Variants in XRN2 observed in about 807,000 individuals in gnomAD.
XRN2 encodes the protein 5'-3' exoribonuclease 2.
XRN2 carries 44 observed loss-of-function variants against 138.5 expected under a neutral mutation model. That is an observed-to-expected ratio of 0.32 (90% CI 0.25 to 0.41). The LOEUF (loss-of-function observed/expected upper bound fraction) is 0.41. XRN2 is among the 10% of genes least tolerant of loss of function. The pLI is 1.00. For missense variants in XRN2, 937 were observed against 1,169.3 expected, an observed-to-expected ratio of 0.80 and a Z score of 2.90; for synonymous variants, 354 against 369.4, an observed-to-expected ratio of 0.96 and a Z score of 0.48.
chr20:21,354,803 C>T lies in XRN2; in HGVS notation c.1951C>T (p.Pro651Ser), dbSNP rs369686738. Residue 651 changes from proline (P) to serine (S), a missense_variant, in exon 21 of 30, where the codon CCA (proline) becomes TCA (serine). By Grantham distance (74) the Pro-to-Ser change is moderately conservative. This residue lies in a region of XRN2 where 372 missense variants were observed against 414.4 expected (regional missense o/e 0.90). Coordinates refer to ENST00000377191, the MANE Select transcript of XRN2 (RefSeq NM_012255.5). ...KYAWQGVALLPFVDERRLRAA... is the reference protein window; with the variant it reads ...KYAWQGVALLSFVDERRLRAA... ...TGTTTTTTCAGGTGTTGCTCTCTTG[C>T]CATTCGTGGATGAGCGAAGGCTACG... 6.2e-7 allele frequency: 1 copy of T among 1,613,808 alleles called. No homozygotes were observed. Among genetic ancestry groups the T allele is most frequent in the African/African-American group, 1.3e-5 (1 of 74,914 alleles).
intron 1 of XRN2, among the ~76,000 whole-genome samples, chr20:21,317,602 G>A (rs2037977740): frequency 6.6e-6 from 1 of 152,236 alleles, no homozygotes; most frequent in African/African-American, 2.4e-5. Flanking sequence ...ATATAATGGT[G>A]TAATATTTGC....
In XRN2 at chr20:21,389,401, A is replaced by T. The variant is rs1020426453; in HGVS notation, c.*63A>T. The T allele has an allele frequency of 6.0e-6, 9 of 1,499,678 alleles. No homozygotes were observed. The highest frequency in any genetic ancestry group is 8.2e-6 in the Non-Finnish European group (9 of 1,102,150). 92.9% of individuals were successfully genotyped at this position (1,499,678 alleles called of 1,614,324 possible). On this transcript the variant is annotated 3_prime_UTR_variant, in exon 30 of 30. Coordinates refer to ENST00000377191, the MANE Select transcript of XRN2 (RefSeq NM_012255.5). ...ACAGTTTTATGCTATTTGTGGAAAGATTTCTTTCTCAAGTAGTAGTTTTTA... is the reference window on the plus strand; with the variant it reads ...ACAGTTTTATGCTATTTGTGGAAAGTTTTCTTTCTCAAGTAGTAGTTTTTA...
At position 21,303,411 on chromosome 20, in the gene XRN2, G is replaced by T; in HGVS notation, c.13G>T (p.Ala5Ser). Residue 5 changes from alanine to serine, a missense_variant, in exon 1 of 30, where the codon GCG becomes TCG. This residue lies in a region of XRN2 where 32 missense variants were observed against 32.9 expected (regional missense o/e 0.97). Coordinates refer to ENST00000377191, the MANE Select transcript of XRN2 (RefSeq NM_012255.5). ...GCCGTGTGCCGCTATGGGAGTCCCG[G>T]CGTTCTTCCGCTGGCTCAGCCGCAA... MGVP[A>S]FFRWLSRKYP... 4.5e-6 allele frequency: 7 copies of T among 1,548,774 alleles called. No individual in the cohort carries two copies. Among genetic ancestry groups the T allele is most frequent in the Non-Finnish European group, 6.1e-6 (7 of 1,146,094 alleles).
intron 22 of XRN2, 89 bp downstream of exon 22, chr20:21,356,266 T>C: frequency 9.9e-7 from 1 of 1,013,272 alleles, no homozygotes; most frequent in Non-Finnish European, 1.5e-6. Flanking sequence ...TATAACCATT[T>C]TTAAGTGGTT....
intron 1 of XRN2, among the ~76,000 whole-genome samples, chr20:21,310,585 A>G (rs1287752601): frequency 6.6e-6 from 1 of 152,054 alleles, no homozygotes; most frequent in Non-Finnish European, 1.5e-5. Context: ...TCAGAAATCT[A>G]TTTTATTTGT....
intron 1 of XRN2, among the ~76,000 whole-genome samples, chr20:21,307,460 C>G (rs1328027960): frequency 1.3e-5 from 1 of 76,318 alleles, no homozygotes; most frequent in African/African-American, 3.6e-5. Flanking sequence ...AAACCTCCCC[C>G]AACCTTTGGT....
chr20:21,341,652 A>G (rs527579716), intron 15 of XRN2, among the ~76,000 whole-genome samples: 3 of 151,556 alleles, frequency 2.0e-5, no homozygotes, highest in Non-Finnish European at 4.4e-5. Context: ...GAAGGAACAT[A>G]CACTTTTGCT....
intron 9 of XRN2, among the ~76,000 whole-genome samples, chr20:21,332,788 C>T (rs2038231168): frequency 6.6e-6 from 1 of 151,932 alleles, no homozygotes; most frequent in African/African-American, 2.4e-5. Context: ...TCTGATATTG[C>T]CTATATCTAC....
chr20:21,309,476 A>T (rs976673608), intron 1 of XRN2, among the ~76,000 whole-genome samples: 2 of 152,182 alleles, frequency 1.3e-5, no homozygotes, highest in Non-Finnish European at 2.9e-5. Flanking sequence ...GCAACCCAGG[A>T]TGCTTTGAAT....
intron 3 of XRN2, 141 bp from the exon 4 acceptor site, chr20:21,328,418 A>G: frequency 3.6e-6 from 3 of 825,106 alleles, no homozygotes; most frequent in Non-Finnish European, 5.5e-6. Flanking sequence ...GGTATCTGTC[A>G]TGAAAGGATT....
Position 21,333,509 on chromosome 20 carries a change from G to A in XRN2, c.859-35G>A, listed in dbSNP as rs377114873. 8 of 1,603,320 alleles carry A rather than the reference G, an allele frequency of 5.0e-6. No homozygotes were observed. The African/African-American group carries it at 5.4e-5, about 11-fold the overall frequency. ...GTTGGAAAAAATTACTGGACGTAGA[G>A]TAGACTTGTTTCATCTTCATTCCTG... On this transcript the variant is annotated intron_variant, in intron 9 of 29. Coordinates refer to ENST00000377191, the MANE Select transcript of XRN2 (RefSeq NM_012255.5).
rs775742932 is a variant in XRN2, at chr20:21,339,027, G to A, written c.1234-17G>A. On this transcript the variant is annotated splice_polypyrimidine_tract_variant and intron_variant, in intron 13 of 29. Coordinates refer to ENST00000377191, the MANE Select transcript of XRN2 (RefSeq NM_012255.5). ...TGTGTAATTATTTGACAGAATATGTGGATTTTATACTTTTAGGACAGTTTT... is the reference window on the plus strand; with the variant it reads ...TGTGTAATTATTTGACAGAATATGTAGATTTTATACTTTTAGGACAGTTTT... 5.6e-6 allele frequency: 9 copies of A among 1,593,100 alleles called. No individual in the cohort carries two copies.
chr20:21,328,803 T>C, intron 4 of XRN2, 133 bp downstream of exon 4: 1 of 782,446 alleles, frequency 1.3e-6, no homozygotes, highest in Non-Finnish European at 2.0e-6. Context: ...GTGTTCACTG[T>C]TGAGGAAAAG....
chr20:21,333,201 C>G (rs183298697), intron 9 of XRN2, among the ~76,000 whole-genome samples: 1 of 152,160 alleles, frequency 6.6e-6, no homozygotes, highest in Admixed American at 6.5e-5. Flanking sequence ...AAACTTCAAT[C>G]CTCCAGGTTT....
intron 20 of XRN2, among the ~76,000 whole-genome samples, chr20:21,350,424 G>A (rs970525078): frequency 1.4e-4 from 20 of 146,244 alleles, no homozygotes; most frequent in Non-Finnish European, 2.8e-4. Context: ...TACTCGGGAG[G>A]CAGAGGCAGG....
chr20:21,325,362 CCTTAT>C (rs1427645462), intron 1 of XRN2, among the ~76,000 whole-genome samples: 3 of 151,946 alleles, frequency 2.0e-5, no homozygotes, highest in Admixed American at 1.3e-4. Flanking sequence ...GTGAGTAAGC[CCTTAT>C]CTTTTGAGGA....
chr20:21,344,232 T>C (rs2038407764), intron 16 of XRN2, 24 bp downstream of exon 16: 1 of 1,566,690 alleles, frequency 6.4e-7, no homozygotes, highest in Non-Finnish European at 8.8e-7. Flanking sequence ...TTGGTAGCAC[T>C]TTGTTAGCAA....
At chr20:21,316,751 T>C (rs1161204000) in intron 1 of XRN2, among the ~76,000 whole-genome samples, 3 of 152,262 alleles carry the variant, frequency 2.0e-5, no homozygotes, top group Non-Finnish European at 2.9e-5. Context: ...TGTTGAGTCT[T>C]GTGTTCCATA....
intron 17 of XRN2, among the ~76,000 whole-genome samples, 158 bp downstream of exon 17, chr20:21,346,708 C>T (rs1417303283): frequency 2.6e-5 from 4 of 152,118 alleles, no homozygotes; most frequent in Admixed American, 2.0e-4. Flanking sequence ...CGACCTCTGC[C>T]TCCCAGGTTC....
Sources: gnomAD v4.1 joint callset for allele counts (sites outside exome capture counted in the v4.1 genomes callset) on GRCh38, gnomAD v4.1.1 for gene constraint, gnomAD v4.1.1 regional missense constraint, MANE v1.5 for transcripts, NCBI Gene and HGNC (gene_info 2026-07-23, HGNC 2026-07-21) for gene names.